The following ATXN2 variants were observed in gnomAD, a reference collection of about 807,000 sequenced individuals.
ATXN2 encodes the protein ataxin-2.
Under a neutral mutation model 138.6 loss-of-function variants are expected in ATXN2, and 37 were observed. The observed-to-expected ratio is 0.27, with a 90% CI of 0.21 to 0.35. The LOEUF (loss-of-function observed/expected upper bound fraction) is 0.35. Ranked by LOEUF, ATXN2 falls within the 10% of genes least tolerant of loss-of-function variation. The probability of loss-of-function intolerance (pLI) is 1.00; values close to 1 mark genes in which losing one functional copy is unlikely to be tolerated. For missense variants in ATXN2, 1,216 were observed against 1,480.3 expected (o/e 0.82, Z 2.93); for synonymous variants, 549 against 543.7 (o/e 1.01, Z -0.13).
At chr12:111,534,667 G>A (rs537285019) in intron 5 of ATXN2, among the ~76,000 whole-genome samples, 16 of 152,212 alleles carry the variant, frequency 1.1e-4, no homozygotes, top group African/African-American at 3.9e-4. Context: ...TTCTCCAACT[G>A]TACTTCATGA....
Position 111,485,815 on chromosome 12 carries a change from G to A in ATXN2, c.2355C>T (p.Ser785=). Residue 785 remains serine (S), a synonymous_variant, in exon 17 of 25, where the codon AGC becomes AGT. Coordinates refer to ENST00000673436, the MANE Select transcript of ATXN2 (RefSeq NM_001372574.1). ...GCTGTTGATGACCCACCATAGATGG[G>A]CTAGGTTGTGCTTGAGGCCGAGGTG... is the stretch of plus-strand genomic sequence containing the variant. The part of the protein sequence containing the change: ...PTSPRPQAQP[S]PSMVGHQQPT... 1.9e-6 allele frequency: 3 copies of A among 1,614,148 alleles called. No individual in the cohort carries two copies. Among genetic ancestry groups the A allele is most frequent in the Non-Finnish European group, 2.5e-6 (3 of 1,180,012 alleles).
chr12:111,529,143 A>G (rs979536425), intron 5 of ATXN2, among the ~76,000 whole-genome samples: 1 of 152,056 alleles, frequency 6.6e-6, no homozygotes, highest in African/African-American at 2.4e-5. Context: ...AAAAAAAAAA[A>G]CACTGTTGGT....
At chr12:111,508,440 AC>A (rs148238801) in intron 14 of ATXN2, among the ~76,000 whole-genome samples, 1 of 122,896 alleles carries the variant, frequency 8.1e-6, no homozygotes, top group African/African-American at 3.2e-5. Flanking sequence ...AAATTGAAAA[AC>A]TTTTTTTTTT....
intron 2 of ATXN2, 73 bp from the exon 3 acceptor site, chr12:111,554,290 G>T: frequency 9.1e-7 from 1 of 1,092,994 alleles, no homozygotes; most frequent in East Asian, 3.0e-5. Context: ...AAATGCTTGG[G>T]ACCAGAAGTA....
intron 18 of ATXN2, among the ~76,000 whole-genome samples, chr12:111,480,202 T>C (rs1877130889): frequency 1.3e-5 from 2 of 152,160 alleles, no homozygotes; most frequent in African/African-American, 4.8e-5. Flanking sequence ...GCAAATATAT[T>C]TGTCAAAACT....
intron 5 of ATXN2, among the ~76,000 whole-genome samples, chr12:111,531,230 T>C (rs138804537): frequency 1.4e-3 from 208 of 151,800 alleles, no homozygotes; most frequent in African/African-American, 4.7e-3. Context: ...CTGGCCAACA[T>C]GGTGAAACCC....
intron 1 of ATXN2, among the ~76,000 whole-genome samples, chr12:111,585,475 T>G (rs959431513): frequency 6.7e-6 from 1 of 149,134 alleles, no homozygotes. Context: ...ATTGTACCAT[T>G]GCACTCCAGC....
rs558593683 is a variant in ATXN2, at chr12:111,561,496, G to A, written c.252-5577C>T. Among the ~76,000 whole-genome samples the A allele has an allele frequency of 3.3e-5, 5 of 151,914 alleles. No homozygotes were observed. In the East Asian group the frequency reaches 7.8e-4, roughly 24 times the overall value. On this transcript the variant is annotated intron_variant, in intron 1 of 24. Transcript: ENST00000673436. Reference sequence around the variant, plus strand: ...GCTTGGGCAACAAGAGCAAACCTCCGTCTCAAAGAAAAAAAAATCATAAAA... The same window carrying A: ...GCTTGGGCAACAAGAGCAAACCTCCATCTCAAAGAAAAAAAAATCATAAAA...
intron 15 of ATXN2, 119 bp from the exon 16 acceptor site, chr12:111,486,943 G>A: frequency 1.3e-6 from 1 of 769,424 alleles, no homozygotes; most frequent in Non-Finnish European, 2.1e-6. Flanking sequence ...CTCACTAGAA[G>A]ATCACTAATC....
intron 14 of ATXN2, among the ~76,000 whole-genome samples, chr12:111,497,271 G>A (rs1281620760): frequency 6.6e-6 from 1 of 152,140 alleles, no homozygotes; most frequent in Non-Finnish European, 1.5e-5. Flanking sequence ...GGACCTGATG[G>A]CTTCACTGCT....
chr12:111,576,742 A>T lies in ATXN2; in HGVS notation c.252-20823T>A, dbSNP rs1024333481. ...TGGGAGGCCGAGGCGGGCGGATCAC[A>T]AAGTCAGGAGTTCGAGACCATCCCA... On this transcript the variant is annotated intron_variant, in intron 1 of 24. Coordinates refer to ENST00000673436, the MANE Select transcript of ATXN2 (RefSeq NM_001372574.1). Among the ~76,000 whole-genome samples the T allele has an allele frequency of 1.3e-5, 2 of 151,500 alleles. 1 individual carries two copies. Among genetic ancestry groups the T allele is most frequent in the African/African-American group, 4.8e-5 (2 of 41,278 alleles).
At chr12:111,558,830 A>G (rs1336196145) in intron 1 of ATXN2, among the ~76,000 whole-genome samples, 1 of 152,050 alleles carries the variant, frequency 6.6e-6, no homozygotes, top group Admixed American at 6.6e-5. Context: ...ATAATACAGA[A>G]GGGAGAAATG....
At chr12:111,488,062 A>G (rs954819655) in intron 15 of ATXN2, among the ~76,000 whole-genome samples, 1 of 152,130 alleles carries the variant, frequency 6.6e-6, no homozygotes, top group Non-Finnish European at 1.5e-5. Flanking sequence ...TCTGATGAAA[A>G]ATATTTTGAA....
intron 3 of ATXN2, among the ~76,000 whole-genome samples, chr12:111,553,639 T>C (rs1190487690): frequency 7.5e-6 from 1 of 134,134 alleles, no homozygotes; most frequent in African/African-American, 3.1e-5. Flanking sequence ...TCTGGCACTG[T>C]TGACCAGGCT....
chr12:111,598,510 G>A lies in ATXN2; in HGVS notation c.251+274C>T. On this transcript the variant is annotated intron_variant, in intron 1 of 24. Transcript: ENST00000673436. The surrounding 1 kb of genome is among the most constrained non-coding windows in gnomAD (Gnocchi z 4.5). ...CCCGAGAACCCCTCCCAACACGCGTGGGGAGGGGAGGCCGCCCGCTCCCTC... is the reference window on the plus strand; with the variant it reads ...CCCGAGAACCCCTCCCAACACGCGTAGGGAGGGGAGGCCGCCCGCTCCCTC... The A allele has an allele frequency of 1.0e-6, 1 of 984,692 alleles. No individual in the cohort carries two copies. The highest frequency in any genetic ancestry group is 1.2e-6 in the Non-Finnish European group (1 of 829,694). The allele number at this position is 984,692 out of a possible 1,614,324, so 61.0% of individuals were successfully genotyped here. A position where few individuals can be genotyped will look rare whatever the true frequency, so the allele number is the denominator to read the frequency against.
intron 1 of ATXN2, among the ~76,000 whole-genome samples, chr12:111,595,572 T>C (rs1261869125): frequency 7.1e-6 from 1 of 140,430 alleles, no homozygotes; most frequent in African/African-American, 2.7e-5. Context: ...AACCCAGGAG[T>C]CAGAGGCTGC....
chr12:111,472,207 C>T (rs1031334382), intron 18 of ATXN2, among the ~76,000 whole-genome samples: 19 of 152,166 alleles, frequency 1.2e-4, no homozygotes, highest in African/African-American at 4.6e-4. Flanking sequence ...GCAGATGCCG[C>T]GGTAAGCCGT....
intron 11 of ATXN2, chr12:111,513,139 G>A (rs768011872): frequency 2.7e-5 from 14 of 514,748 alleles, no homozygotes; most frequent in Middle Eastern, 5.0e-4. Flanking sequence ...TACTCACTGC[G>A]AAATCTCAAC....
chr12:111,572,547 T>C (rs1378968438), intron 1 of ATXN2, among the ~76,000 whole-genome samples: 1 of 151,964 alleles, frequency 6.6e-6, no homozygotes, highest in African/African-American at 2.4e-5. Flanking sequence ...ACAAGTAGAG[T>C]TGAAGTCTAA....
Sources: gnomAD v4.1 joint callset for allele counts (sites outside exome capture counted in the v4.1 genomes callset) on GRCh38, gnomAD v4.1.1 for gene constraint, Gnocchi (gnomAD v3.1) non-coding constraint, MANE v1.5 for transcripts, NCBI Gene and HGNC (gene_info 2026-07-23, HGNC 2026-07-21) for gene names.